Variants in SPON1 observed in about 807,000 individuals in gnomAD.
SPON1 encodes the protein spondin 1, also known as spondin-1.
SPON1 carries 52 observed loss-of-function variants against 111.7 expected under a neutral mutation model. That is an observed-to-expected ratio of 0.47 (90% confidence interval 0.37 to 0.59). The LOEUF is 0.59. SPON1 is among the 20% of genes least tolerant of loss of function. The pLI is 0.00. For synonymous variants in SPON1, 410 were observed against 395.8 expected (o/e 1.04, Z -0.43); for missense variants, 957 against 1,068.5 (o/e 0.90, Z 1.46).
At chr11:13,981,640 C>T (rs782113193) in intron 1 of SPON1, among the ~76,000 whole-genome samples, 5 of 152,114 alleles carry the variant, frequency 3.3e-5, no homozygotes, top group African/African-American at 7.2e-5. Context: ...TAGATTTTAA[C>T]GGAAAAATCG....
chr11:13,995,843 A>G (rs1473519426), intron 2 of SPON1, among the ~76,000 whole-genome samples: 1 of 152,194 alleles, frequency 6.6e-6, no homozygotes, highest in African/African-American at 2.4e-5. Flanking sequence ...TGTGACATGG[A>G]GTCAAGAGAC....
chr11:14,251,649 T>A (rs1849054672), intron 7 of SPON1, among the ~76,000 whole-genome samples: 1 of 152,176 alleles, frequency 6.6e-6, no homozygotes, highest in Non-Finnish European at 1.5e-5. Context: ...GATGGAGCGG[T>A]CAGTCTCTAT....
intron 5 of SPON1, among the ~76,000 whole-genome samples, chr11:14,130,932 G>A (rs1219645417): frequency 1.3e-5 from 2 of 152,044 alleles, no homozygotes; most frequent in African/African-American, 4.8e-5. Context: ...ACTAAATTAT[G>A]TAAGCACAGT....
chr11:14,162,815 G>A (rs1296103787), intron 6 of SPON1, among the ~76,000 whole-genome samples: 8 of 152,184 alleles, frequency 5.3e-5, no homozygotes, highest in East Asian at 1.9e-4. Flanking sequence ...AAGCAGAAGC[G>A]TGCTGCCACA....
At chr11:13,998,928 T>C (rs1003510044) in intron 2 of SPON1, among the ~76,000 whole-genome samples, 1 of 152,222 alleles carries the variant, frequency 6.6e-6, no homozygotes, top group Non-Finnish European at 1.5e-5. Context: ...TTCATGTATC[T>C]ATTAAGTAGT....
intron 5 of SPON1, among the ~76,000 whole-genome samples, chr11:14,133,572 G>A (rs117413393): frequency 0.014 from 2,072 of 152,278 alleles, 26 homozygotes; most frequent in Non-Finnish European, 0.023. Flanking sequence ...GGCAGGACAC[G>A]CCTAGAACAA....
chr11:13,990,571 A>G (rs12295694), intron 2 of SPON1, among the ~76,000 whole-genome samples: 6,940 of 151,532 alleles, frequency 0.046, 519 homozygotes, highest in African/African-American at 0.16. Context: ...GCCCATTTAC[A>G]TTTAAGTTTA....
rs1554941650 is a variant in SPON1 at position 14,259,418 on chromosome 11, A to C, written c.1631A>C (p.Glu544Ala). The C allele has an allele frequency of 1.2e-6, 2 of 1,610,912 alleles. No individual in the cohort carries two copies. Among genetic ancestry groups the C allele is most frequent in the East Asian group, 2.2e-5 (1 of 44,812 alleles). ...TCCGTGTGCACGCTGCCCACTGAGGAAACGGAGAAGTGCACGGTCAACGAG... is the reference window on the plus strand; with the variant it reads ...TCCGTGTGCACGCTGCCCACTGAGGCAACGGAGAAGTGCACGGTCAACGAG... The part of the protein sequence containing the change: ...DGSVCTLPTE[E>A]TEKCTVNEEC... The change falls in exon 12 of 16, where the codon GAA (glutamate) becomes GCA (alanine). Residue 544 changes from glutamate (E) to alanine (A), a missense_variant. By Grantham distance (107) the Glu-to-Ala change is moderately radical. Transcript: ENST00000576479. The surrounding 1 kb of genome is among the most constrained non-coding windows in gnomAD (Gnocchi z 5.0).
intron 5 of SPON1, among the ~76,000 whole-genome samples, chr11:14,091,401 G>A (rs968169186): frequency 1.3e-5 from 2 of 152,212 alleles, no homozygotes; most frequent in Non-Finnish European, 2.9e-5. Flanking sequence ...GGGGAGGCTC[G>A]GGCCGCACAG....
chr11:14,061,789 T>C (rs1051068906), intron 3 of SPON1, among the ~76,000 whole-genome samples: 2 of 152,242 alleles, frequency 1.3e-5, no homozygotes, highest in Admixed American at 1.3e-4. Context: ...CTGTCACTAA[T>C]TAATGCGATT....
chr11:14,046,956 C>A (rs1848672811), intron 3 of SPON1, among the ~76,000 whole-genome samples: 2 of 151,968 alleles, frequency 1.3e-5, no homozygotes, highest in South Asian at 4.2e-4. Flanking sequence ...AGTTTTATTT[C>A]TTTTGTGAAT....
intron 6 of SPON1, among the ~76,000 whole-genome samples, chr11:14,204,952 G>T (rs12288017): frequency 0.017 from 2,632 of 152,194 alleles, 77 homozygotes; most frequent in African/African-American, 0.06. Context: ...CTCCCAAAGT[G>T]CTGGGATTAC....
intron 6 of SPON1, among the ~76,000 whole-genome samples, chr11:14,172,169 A>G (rs11023128): frequency 0.2 from 29,669 of 150,280 alleles, 3,280 homozygotes; most frequent in Admixed American, 0.26. Flanking sequence ...TATGAATCTG[A>G]GTGCTCCTGT....
At chr11:14,098,846 C>G (rs1849122696) in intron 5 of SPON1, among the ~76,000 whole-genome samples, 1 of 152,186 alleles carries the variant, frequency 6.6e-6, no homozygotes, top group African/African-American at 2.4e-5. Flanking sequence ...TCTACCATGC[C>G]TCTCCTTTAA....
At chr11:14,263,712 C>G (rs1347522481) in intron 15 of SPON1, among the ~76,000 whole-genome samples, 1 of 152,132 alleles carries the variant, frequency 6.6e-6, no homozygotes, top group African/African-American at 2.4e-5. Flanking sequence ...CTTGAAAAAT[C>G]TAGAGGAGTT....
At chr11:14,120,816 G>A (rs1399924417) in intron 5 of SPON1, among the ~76,000 whole-genome samples, 3 of 152,070 alleles carry the variant, frequency 2.0e-5, no homozygotes, top group African/African-American at 4.8e-5. Context: ...ATTTCCTTCC[G>A]TAACCCCATC....
intron 6 of SPON1, among the ~76,000 whole-genome samples, chr11:14,206,965 A>G (rs1053964605): frequency 1.3e-5 from 2 of 152,254 alleles, no homozygotes; most frequent in African/African-American, 4.8e-5. Flanking sequence ...TGGAGGCATC[A>G]TGCTACCTGA....
chr11:14,047,959 G>T (rs1848680762), intron 3 of SPON1, among the ~76,000 whole-genome samples: 1 of 152,216 alleles, frequency 6.6e-6, no homozygotes, highest in Admixed American at 6.5e-5. Flanking sequence ...ATAAGGGTGG[G>T]CCAGGTGTGG....
At chr11:14,184,218 A>G (rs782535679) in intron 6 of SPON1, among the ~76,000 whole-genome samples, 1 of 152,130 alleles carries the variant, frequency 6.6e-6, no homozygotes, top group African/African-American at 2.4e-5. Context: ...ATTAACATAA[A>G]TTCTTTCTTC....
Sources: gnomAD v4.1 joint callset for allele counts (sites outside exome capture counted in the v4.1 genomes callset) on GRCh38, gnomAD v4.1.1 for gene constraint, Gnocchi (gnomAD v3.1) non-coding constraint, MANE v1.5 for transcripts, NCBI Gene and HGNC (gene_info 2026-07-23, HGNC 2026-07-21) for gene names.